The following LHFPL3 variants were observed in gnomAD, a reference collection of about 807,000 sequenced individuals.
LHFPL3 encodes LHFPL tetraspan subfamily member 3, also known as LHFPL tetraspan subfamily member 3 protein.
LHFPL3 carries 5 observed loss-of-function variants against 19.3 expected under a neutral mutation model. That is an observed-to-expected ratio of 0.26 (90% CI 0.14 to 0.54). The LOEUF (loss-of-function observed/expected upper bound fraction) is 0.54, where lower values mean the gene tolerates loss of function less well. LHFPL3 is among the 20% of genes least tolerant of loss of function. LHFPL3 has a pLI of 0.94. For synonymous variants in LHFPL3, 133 were observed against 126.2 expected (o/e 1.05, Z -0.36); for missense variants, 249 against 307.4 (o/e 0.81, Z 1.42).
chr7:104,770,482 T>C (rs1794532273), intron 2 of LHFPL3, among the ~76,000 whole-genome samples: 1 of 152,250 alleles, frequency 6.6e-6, no homozygotes, highest in Non-Finnish European at 1.5e-5. Flanking sequence ...GAGCTTTCTC[T>C]GAGAATATCC....
At chr7:104,693,684 C>CTCTTT (rs1275931305) in intron 1 of LHFPL3, among the ~76,000 whole-genome samples, 1 of 151,772 alleles carries the variant, frequency 6.6e-6, no homozygotes, top group African/African-American at 2.4e-5. Flanking sequence ...TCAATTAAAC[C>CTCTTT]TCTTTTCTTT....
At chr7:104,566,299 C>T (rs980190702) in intron 1 of LHFPL3, among the ~76,000 whole-genome samples, 14 of 152,166 alleles carry the variant, frequency 9.2e-5, no homozygotes, top group Admixed American at 2.0e-4. Flanking sequence ...TGCAGTGAGT[C>T]GTAACCACAT....
intron 2 of LHFPL3, among the ~76,000 whole-genome samples, chr7:104,884,893 A>G (rs1337275937): frequency 2.0e-5 from 3 of 152,182 alleles, no homozygotes; most frequent in African/African-American, 7.2e-5. Context: ...AAGGACACCA[A>G]TTGGTGGAGA....
intron 2 of LHFPL3, among the ~76,000 whole-genome samples, chr7:104,822,633 G>A (rs1660756220): frequency 6.6e-6 from 1 of 152,158 alleles, no homozygotes; most frequent in African/African-American, 2.4e-5. Flanking sequence ...GTGGTCCAGA[G>A]GAAGGAATAG....
chr7:104,622,089 C>T (rs753751732), intron 1 of LHFPL3, among the ~76,000 whole-genome samples: 1 of 152,070 alleles, frequency 6.6e-6, no homozygotes, highest in Non-Finnish European at 1.5e-5. Context: ...GCAACAATAT[C>T]CCCCCATCCC....
At chr7:104,851,219 A>G (rs989995444) in intron 2 of LHFPL3, among the ~76,000 whole-genome samples, 3 of 152,230 alleles carry the variant, frequency 2.0e-5, no homozygotes, top group African/African-American at 7.2e-5. Context: ...ATAACTCAAA[A>G]AAGAAATATT....
intron 1 of LHFPL3, among the ~76,000 whole-genome samples, chr7:104,484,608 TC>T (rs1793203714): frequency 6.6e-6 from 1 of 152,178 alleles, no homozygotes; most frequent in Admixed American, 6.5e-5. Flanking sequence ...GGTGTCTTGG[TC>T]CATTTTGTGC....
intron 1 of LHFPL3, among the ~76,000 whole-genome samples, chr7:104,412,532 G>A (rs1032528287): frequency 2.6e-5 from 4 of 151,960 alleles, no homozygotes; most frequent in South Asian, 4.2e-4. Flanking sequence ...ATCTAGTATC[G>A]AACTTGACCA....
intron 1 of LHFPL3, among the ~76,000 whole-genome samples, chr7:104,634,045 C>G (rs1791690777): frequency 6.6e-6 from 1 of 152,130 alleles, no homozygotes; most frequent in Non-Finnish European, 1.5e-5. Context: ...TGATTATTAT[C>G]CACTATTATT....
chr7:104,365,572 G>C (rs1358469060), intron 1 of LHFPL3, among the ~76,000 whole-genome samples: 1 of 150,802 alleles, frequency 6.6e-6, no homozygotes, highest in Non-Finnish European at 1.5e-5. Context: ...ATGAGGTCAG[G>C]AGATCGAGAC....
intron 1 of LHFPL3, among the ~76,000 whole-genome samples, chr7:104,691,410 G>A (rs1170285909): frequency 6.6e-6 from 1 of 152,230 alleles, no homozygotes; most frequent in Non-Finnish European, 1.5e-5. Flanking sequence ...TTGGTTTGTA[G>A]ATGGCTCTGC....
At chr7:104,861,195 G>A (rs542639237) in intron 2 of LHFPL3, among the ~76,000 whole-genome samples, 1 of 152,268 alleles carries the variant, frequency 6.6e-6, no homozygotes, top group Admixed American at 6.5e-5. Context: ...AGAAGAAAGG[G>A]AGTGATTAAA....
chr7:104,387,705 G>A (rs192004518), intron 1 of LHFPL3, among the ~76,000 whole-genome samples: 1 of 152,284 alleles, frequency 6.6e-6, no homozygotes, highest in East Asian at 1.9e-4. Context: ...TATCTAGACA[G>A]CCAAGAAGCT....
Position 104,881,456 on chromosome 7 carries a change from T to C in LHFPL3, c.683-24731T>C, listed in dbSNP as rs138371117. 4.6e-3 allele frequency among the ~76,000 whole-genome samples: 702 copies of C among 152,332 alleles called. 5 individuals carry two copies. Among genetic ancestry groups the C allele is most frequent in the African/African-American group, 0.016 (659 of 41,572 alleles). On this transcript the variant is annotated intron_variant, in intron 2 of 2. Transcript: ENST00000424859. Reference sequence around the variant, plus strand: ...TTCAAGACTTCCGTGGAGGAAGTAATGCAGATGTGGTGGAAATAGCAAGAG... The same window carrying C: ...TTCAAGACTTCCGTGGAGGAAGTAACGCAGATGTGGTGGAAATAGCAAGAG...
At chr7:104,472,255 A>G (rs964165453) in intron 1 of LHFPL3, among the ~76,000 whole-genome samples, 6 of 152,106 alleles carry the variant, frequency 3.9e-5, no homozygotes, top group African/African-American at 1.4e-4. Flanking sequence ...ATATATATAT[A>G]TCACCTTCAT....
intron 1 of LHFPL3, among the ~76,000 whole-genome samples, chr7:104,480,683 A>T (rs80339855): frequency 6.6e-6 from 1 of 152,188 alleles, no homozygotes; most frequent in East Asian, 1.9e-4. Context: ...ATTGTGGAAC[A>T]TATCCACTAT....
At chr7:104,387,851 G>T (rs1008572243) in intron 1 of LHFPL3, among the ~76,000 whole-genome samples, 1 of 152,102 alleles carries the variant, frequency 6.6e-6, no homozygotes, top group African/African-American at 2.4e-5. Flanking sequence ...TAGGTAAATT[G>T]TGTGTGATGG....
At chr7:104,630,218 A>G (rs936493718) in intron 1 of LHFPL3, among the ~76,000 whole-genome samples, 1 of 152,204 alleles carries the variant, frequency 6.6e-6, no homozygotes, top group Non-Finnish European at 1.5e-5. Context: ...GTGCACTAAG[A>G]TCATAGAAGT....
intron 1 of LHFPL3, among the ~76,000 whole-genome samples, chr7:104,593,023 T>C (rs1364072093): frequency 2.0e-5 from 3 of 152,186 alleles, no homozygotes; most frequent in Non-Finnish European, 4.4e-5. Flanking sequence ...AAGGGTTTTT[T>C]GTGTCTCTAT....
Sources: gnomAD v4.1 joint callset for allele counts (sites outside exome capture counted in the v4.1 genomes callset) on GRCh38, gnomAD v4.1.1 for gene constraint, MANE v1.5 for transcripts, NCBI Gene and HGNC (gene_info 2026-07-23, HGNC 2026-07-21) for gene names.